HUNK: variants seen among roughly 807,000 people sequenced by gnomAD.
HUNK encodes the protein hormonally up-regulated Neu-associated kinase.
Under a neutral mutation model 61.0 loss-of-function variants are expected in HUNK, and 21 were observed. The ratio of observed to expected loss-of-function variants is 0.34; its 90% CI spans 0.24 to 0.50. The LOEUF (loss-of-function observed/expected upper bound fraction) is 0.50. Among genes scored for constraint, HUNK ranks in the 20% least tolerant of loss-of-function variants. The probability of loss-of-function intolerance (pLI) is 0.98; values close to 1 mark genes in which losing one functional copy is unlikely to be tolerated. For missense variants in HUNK, 772 were observed against 945.7 expected, an observed-to-expected ratio of 0.82 and a Z score of 2.41; for synonymous variants, 371 against 386.1, an observed-to-expected ratio of 0.96 and a Z score of 0.46.
At chr21:31,975,315 C>G (rs2053041152) in intron 7 of HUNK, among the ~76,000 whole-genome samples, 2 of 152,300 alleles carry the variant, frequency 1.3e-5, no homozygotes, top group South Asian at 4.1e-4. Context: ...ACCCTGTCCC[C>G]TTCATCATTT....
chr21:31,903,938 G>A (rs2052487422), intron 1 of HUNK, among the ~76,000 whole-genome samples: 2 of 152,136 alleles, frequency 1.3e-5, no homozygotes, highest in Non-Finnish European at 1.5e-5. Context: ...TTTAGATGAT[G>A]TTACTCTTCA....
intron 1 of HUNK, among the ~76,000 whole-genome samples, chr21:31,917,552 C>A (rs1334375603): frequency 1.3e-5 from 2 of 152,080 alleles, no homozygotes; most frequent in Non-Finnish European, 2.9e-5. Flanking sequence ...AAAACTGATT[C>A]CTTTGTAAAA....
intron 1 of HUNK, among the ~76,000 whole-genome samples, chr21:31,893,526 C>T (rs1052350774): frequency 3.3e-5 from 5 of 151,980 alleles, no homozygotes; most frequent in African/African-American, 9.7e-5. Context: ...TGTCTTGAGC[C>T]CCAACATGGG....
chr21:31,904,623 C>T (rs960289838), intron 1 of HUNK, among the ~76,000 whole-genome samples: 6 of 152,148 alleles, frequency 3.9e-5, no homozygotes, highest in East Asian at 1.9e-4. Flanking sequence ...GCTTCCTCTC[C>T]GGAGTTTCCG....
At chr21:31,984,451 G>T (rs146298696) in intron 8 of HUNK, among the ~76,000 whole-genome samples, 6 of 152,304 alleles carry the variant, frequency 3.9e-5, no homozygotes, top group Admixed American at 1.3e-4. Flanking sequence ...AGTGTAACAC[G>T]TGGCATCAGA....
At chr21:31,901,644 CCT>C (rs2052468710) in intron 1 of HUNK, among the ~76,000 whole-genome samples, 1 of 152,194 alleles carries the variant, frequency 6.6e-6, no homozygotes, top group Non-Finnish European at 1.5e-5. Context: ...CTGTTTCTCA[CCT>C]ATACTGTTTC....
At chr21:31,882,945 G>A (rs2052319379) in intron 1 of HUNK, among the ~76,000 whole-genome samples, 1 of 151,922 alleles carries the variant, frequency 6.6e-6, no homozygotes, top group African/African-American at 2.4e-5. Flanking sequence ...ATTAGTTATT[G>A]CATAGTAGTC....
At chr21:31,900,501 AT>A (rs1352791852) in intron 1 of HUNK, among the ~76,000 whole-genome samples, 1 of 140,826 alleles carries the variant, frequency 7.1e-6, no homozygotes, top group African/African-American at 2.7e-5. Flanking sequence ...GCTCGTCATG[AT>A]TTTTCACGAA....
At chr21:31,915,082 A>G (rs1490281082) in intron 1 of HUNK, among the ~76,000 whole-genome samples, 1 of 148,174 alleles carries the variant, frequency 6.7e-6, no homozygotes, top group African/African-American at 2.5e-5. Context: ...ATATTTGCTT[A>G]GTATCCAGTG....
At chr21:31,969,665 C>T (rs1396417702) in intron 6 of HUNK, among the ~76,000 whole-genome samples, 3 of 151,686 alleles carry the variant, frequency 2.0e-5, no homozygotes, top group Non-Finnish European at 2.9e-5. Flanking sequence ...CTCCTGAGCT[C>T]AAGGGAGTCT....
At chr21:31,880,658 G>T (rs2052299911) in intron 1 of HUNK, among the ~76,000 whole-genome samples, 1 of 152,150 alleles carries the variant, frequency 6.6e-6, no homozygotes, top group African/African-American at 2.4e-5. Flanking sequence ...TTAACTCGAT[G>T]ACATCTACAA....
chr21:31,946,903 C>T (rs2052807646), intron 4 of HUNK, among the ~76,000 whole-genome samples: 1 of 152,254 alleles, frequency 6.6e-6, no homozygotes, highest in Non-Finnish European at 1.5e-5. Context: ...GCATGAGCCA[C>T]GCGCCCGGCC....
At chr21:31,990,089 T>A (rs1230510001) in intron 8 of HUNK, 40 bp from the exon 9 acceptor site, 1 of 1,579,372 alleles carries the variant, frequency 6.3e-7, no homozygotes, top group African/African-American at 1.3e-5. Context: ...AAATAGCAGG[T>A]GCAGATTCTC....
intron 1 of HUNK, among the ~76,000 whole-genome samples, chr21:31,900,231 C>A (rs1214288053): frequency 6.6e-6 from 1 of 152,096 alleles, no homozygotes; most frequent in Non-Finnish European, 1.5e-5. Context: ...CCAGGCCCAC[C>A]CTCCTAGCTC....
At chr21:31,895,892 T>G (rs9976055) in intron 1 of HUNK, among the ~76,000 whole-genome samples, 56,572 of 152,084 alleles carry the variant, frequency 0.37, 11,688 homozygotes, top group Middle Eastern at 0.53. Context: ...ATTCATATGT[T>G]GAAGTCCTAA....
At chr21:31,944,566 A>G (rs2052789552) in intron 3 of HUNK, among the ~76,000 whole-genome samples, 2 of 136,422 alleles carry the variant, frequency 1.5e-5, no homozygotes, top group African/African-American at 2.6e-5. Flanking sequence ...TGTGGGGTCT[A>G]TGGGTCTGGC....
At chr21:31,951,207 T>A (rs1294757203) in intron 4 of HUNK, among the ~76,000 whole-genome samples, 3 of 149,886 alleles carry the variant, frequency 2.0e-5, no homozygotes, top group Non-Finnish European at 3.0e-5. Flanking sequence ...TATATATATA[T>A]AAAAATAACA....
intron 7 of HUNK, among the ~76,000 whole-genome samples, chr21:31,980,780 T>C (rs12710418): frequency 0.24 from 36,019 of 150,468 alleles, 4,436 homozygotes; most frequent in Non-Finnish European, 0.28. Context: ...TCTCCATTCA[T>C]CGCAACCTCC....
chr21:31,992,004 C>CGAGGAGAA (rs937382598), intron 9 of HUNK, among the ~76,000 whole-genome samples: 1 of 152,244 alleles, frequency 6.6e-6, no homozygotes, highest in African/African-American at 2.4e-5. Context: ...ACACCTCCCT[C>CGAGGAGAA]GAGGAGAAGT....
Sources: gnomAD v4.1 joint callset for allele counts (sites outside exome capture counted in the v4.1 genomes callset) on GRCh38, gnomAD v4.1.1 for gene constraint, MANE v1.5 for transcripts, NCBI Gene and HGNC (gene_info 2026-07-23, HGNC 2026-07-21) for gene names.